POT1: variants seen among roughly 807,000 people sequenced by gnomAD.
The protein encoded by POT1 is protection of telomeres 1, also known as protection of telomeres protein 1.
In POT1, 47 loss-of-function variants were observed where a neutral mutation model predicts 78.5. The ratio of observed to expected loss-of-function variants is 0.60; its 90% CI spans 0.47 to 0.76. The LOEUF (loss-of-function observed/expected upper bound fraction) is 0.76. Ranked by LOEUF, POT1 falls within the 30% of genes least tolerant of loss-of-function variation. POT1 has a pLI of 0.00. For synonymous variants in POT1, 259 were observed against 260.7 expected (o/e 0.99, Z 0.06); for missense variants, 646 against 749.9 (o/e 0.86, Z 1.62).
chr7:124,919,105 T>C (rs1476044926), intron 2 of POT1, among the ~76,000 whole-genome samples: 2 of 152,200 alleles, frequency 1.3e-5, no homozygotes, highest in Non-Finnish European at 2.9e-5. Flanking sequence ...GGCTATACAA[T>C]ATAGCTTATT....
chr7:124,851,819 A>C (rs759636164), intron 11 of POT1, 53 bp downstream of exon 11: 4 of 1,222,426 alleles, frequency 3.3e-6, no homozygotes, highest in East Asian at 4.7e-5. Context: ...TATGTTGATA[A>C]AACTATTTTA....
chr7:124,877,183 A>G (rs1228994345), intron 6 of POT1, among the ~76,000 whole-genome samples: 1 of 152,226 alleles, frequency 6.6e-6, no homozygotes, highest in African/African-American at 2.4e-5. Context: ...GATTAACATC[A>G]GACTTTTCTA....
At chr7:124,913,367 T>C (rs1201694066) in intron 3 of POT1, among the ~76,000 whole-genome samples, 1 of 152,226 alleles carries the variant, frequency 6.6e-6, no homozygotes, top group African/African-American at 2.4e-5. Context: ...TATATAATCC[T>C]GGATAGCAAA....
chr7:124,888,751 T>TTATGGTG (rs1781382223), intron 6 of POT1, among the ~76,000 whole-genome samples: 3 of 152,064 alleles, frequency 2.0e-5, no homozygotes, highest in Admixed American at 2.0e-4. Flanking sequence ...ATTTTCACTG[T>TTATGGTG]ATCTGTTATG....
intron 9 of POT1, 64 bp downstream of exon 9, chr7:124,858,893 C>T: frequency 7.8e-7 from 1 of 1,287,766 alleles, no homozygotes; most frequent in Non-Finnish European, 1.1e-6. Context: ...AAAAAATTTA[C>T]ATGAGCAAAA....
In POT1 at chr7:124,829,295, A is replaced by C; in HGVS notation, c.1553T>G (p.Leu518Arg). Reference sequence around the variant, plus strand: ...AGGAATCCACGATGTTTTATCAACCAGGGAATTTAGATTTTGTATGGATCT... The same window carrying C: ...AGGAATCCACGATGTTTTATCAACCCGGGAATTTAGATTTTGTATGGATCT... ...SLRSIQNLNSLVDKTSWIPSS... is the reference protein window; with the variant it reads ...SLRSIQNLNSRVDKTSWIPSS... Residue 518 changes from leucine to arginine, a missense_variant, in exon 16 of 19, where the codon CTG (leucine) becomes CGG (arginine). Physicochemically the swap from Leu to Arg is moderately radical, Grantham distance 102. This residue lies in a region of POT1 where 394 missense variants were observed against 408.4 expected (regional missense o/e 0.96). Coordinates refer to ENST00000357628, the MANE Select transcript of POT1 (RefSeq NM_015450.3). The C allele has an allele frequency of 6.2e-7, 1 of 1,606,338 alleles. No homozygotes were observed. Among genetic ancestry groups the C allele is most frequent in the Non-Finnish European group, 8.5e-7 (1 of 1,173,108 alleles).
At chr7:124,841,225 C>T (rs764274322) in intron 13 of POT1, 47 bp from the exon 14 acceptor site, 25 of 1,435,526 alleles carry the variant, frequency 1.7e-5, no homozygotes, top group Middle Eastern at 1.8e-4. Flanking sequence ...TTGGTGTAAG[C>T]GTGAAGATTT....
At chr7:124,862,001 C>T (rs748208327) in intron 8 of POT1, among the ~76,000 whole-genome samples, 1 of 152,156 alleles carries the variant, frequency 6.6e-6, no homozygotes, top group African/African-American at 2.4e-5. Flanking sequence ...TTTTTGGTTA[C>T]TGTAGCCTTG....
chr7:124,864,538 C>G (rs1310583086), intron 7 of POT1, among the ~76,000 whole-genome samples: 2 of 150,840 alleles, frequency 1.3e-5, no homozygotes, highest in East Asian at 3.9e-4. Flanking sequence ...TTGTTCCTTT[C>G]TTGTTTTCTT....
At chr7:124,918,531 T>G (rs544096833) in intron 2 of POT1, among the ~76,000 whole-genome samples, 69 of 152,306 alleles carry the variant, frequency 4.5e-4, no homozygotes, top group African/African-American at 1.6e-3. Context: ...GATCATGCTA[T>G]ACATTATGTC....
chr7:124,926,871 T>G (rs1797287524), intron 2 of POT1, among the ~76,000 whole-genome samples: 1 of 152,074 alleles, frequency 6.6e-6, no homozygotes, highest in Admixed American at 6.6e-5. Context: ...GTGAACTAAA[T>G]AATGTGTACA....
intron 11 of POT1, among the ~76,000 whole-genome samples, chr7:124,849,087 C>T (rs894415955): frequency 4.6e-5 from 7 of 152,110 alleles, no homozygotes; most frequent in Non-Finnish European, 1.0e-4. Flanking sequence ...TATAAAGCAT[C>T]ATACACAAAC....
intron 2 of POT1, among the ~76,000 whole-genome samples, chr7:124,927,402 G>GT (rs1797300311): frequency 6.6e-6 from 1 of 151,970 alleles, no homozygotes; most frequent in South Asian, 2.1e-4. Context: ...ACCTGTGTTT[G>GT]TTTTCCAGCT....
intron 12 of POT1, among the ~76,000 whole-genome samples, chr7:124,844,592 C>T (rs370563339): frequency 6.6e-6 from 1 of 150,398 alleles, no homozygotes; most frequent in African/African-American, 2.4e-5. Context: ...AAAAATTAGC[C>T]GGTGTGGTGG....
At position 124,859,125 on chromosome 7, in the gene POT1, A is replaced by C; in HGVS notation, c.547-13T>G. 1 of 1,512,816 alleles carries C rather than the reference A, an allele frequency of 6.6e-7. No homozygotes were observed. The highest frequency in any genetic ancestry group is 2.0e-5 in the Admixed American group (1 of 50,268). 93.7% of individuals were successfully genotyped at this position (1,512,816 alleles called of 1,614,324 possible). ...TGCCATCCCATACCTGCCATAAGAG[A>C]GTAGAGTAGTTTTATGATCCTTTTG... On this transcript the variant is annotated splice_polypyrimidine_tract_variant and intron_variant, in intron 8 of 18. Coordinates refer to ENST00000357628, the MANE Select transcript of POT1 (RefSeq NM_015450.3).
chr7:124,926,545 T>C (rs1176177699), intron 2 of POT1, among the ~76,000 whole-genome samples: 1 of 152,006 alleles, frequency 6.6e-6, no homozygotes, highest in African/African-American at 2.4e-5. Flanking sequence ...TAACTAAAAA[T>C]AGAACTACCA....
At position 124,846,041 on chromosome 7, in the gene POT1, G is replaced by T. The variant is rs1473366130; in HGVS notation, c.1006+901C>A. Among the ~76,000 whole-genome samples the T allele has an allele frequency of 4.6e-5, 7 of 152,020 alleles. No homozygotes were observed. In the South Asian group the frequency reaches 1.5e-3, roughly 32 times the overall value. On this transcript the variant is annotated intron_variant, in intron 12 of 18. Coordinates refer to ENST00000357628, the MANE Select transcript of POT1 (RefSeq NM_015450.3). Reference sequence around the variant, plus strand: ...CAAGGAGCTCTGATTCCTTTAGAGAGAAATATTATTTATAAACCAAGATCT... The same window carrying T: ...CAAGGAGCTCTGATTCCTTTAGAGATAAATATTATTTATAAACCAAGATCT...
At position 124,852,992 on chromosome 7, in the gene POT1, A is replaced by G. The variant is rs750223464; in HGVS notation, c.849T>C (p.Ser283=). 1 of 1,613,138 alleles carries G rather than the reference A, an allele frequency of 6.2e-7. No homozygotes were observed. Among genetic ancestry groups the G allele is most frequent in the South Asian group, 1.1e-5 (1 of 90,890 alleles). ...RGIRVLPESN[S]DVDQLKKDLE... Reference sequence around the variant, plus strand: ...CTTACTTTTTCAGTTGATCCACATCAGAGTTACTTTCTGGCAAGACCCTGA... The same window carrying G: ...CTTACTTTTTCAGTTGATCCACATCGGAGTTACTTTCTGGCAAGACCCTGA... Residue 283 remains serine, a synonymous_variant, in exon 10 of 19, where the codon TCT becomes TCC. Transcript: ENST00000357628.
At chr7:124,855,933 G>C (rs1353755062) in intron 9 of POT1, among the ~76,000 whole-genome samples, 1 of 152,046 alleles carries the variant, frequency 6.6e-6, no homozygotes, top group Non-Finnish European at 1.5e-5. Context: ...TAAAGCTTTA[G>C]TTTCCAGACA....
Sources: gnomAD v4.1 joint callset for allele counts (sites outside exome capture counted in the v4.1 genomes callset) on GRCh38, gnomAD v4.1.1 for gene constraint, gnomAD v4.1.1 regional missense constraint, MANE v1.5 for transcripts, NCBI Gene and HGNC (gene_info 2026-07-23, HGNC 2026-07-21) for gene names.